Variants in KIAA2012 observed in about 807,000 individuals in gnomAD.
KIAA2012 encodes the protein uncharacterized protein KIAA2012.
Under a neutral mutation model 150.6 loss-of-function variants are expected in KIAA2012, and 125 were observed. That is an observed-to-expected ratio of 0.83 (90% CI 0.72 to 0.96). The LOEUF is 0.96. Ranked by LOEUF, KIAA2012 falls within the 40% of genes least tolerant of loss-of-function variation. KIAA2012 has a pLI of 0.00. For missense variants in KIAA2012, 1,219 were observed against 1,354.9 expected (o/e 0.90, Z 1.57); for synonymous variants, 462 against 504.7 (o/e 0.92, Z 1.13).
chr2:202,172,408 A>G (rs555714456), intron 15 of KIAA2012, among the ~76,000 whole-genome samples: 1 of 152,372 alleles, frequency 6.6e-6, no homozygotes, highest in Admixed American at 6.5e-5. Flanking sequence ...AGTCAGGGAA[A>G]CATCACGAAA....
At chr2:202,174,579 T>C (rs1691955377) in intron 15 of KIAA2012, among the ~76,000 whole-genome samples, 1 of 152,114 alleles carries the variant, frequency 6.6e-6, no homozygotes, top group Non-Finnish European at 1.5e-5. Context: ...AATTTAAAAA[T>C]AGAATTTAAA....
At chr2:202,175,412 ATGTT>A (rs1691972213) in intron 15 of KIAA2012, among the ~76,000 whole-genome samples, 1 of 152,196 alleles carries the variant, frequency 6.6e-6, no homozygotes, top group Admixed American at 6.5e-5. Context: ...CATGGTCTGA[ATGTT>A]TGTGTCCCCC....
intron 2 of KIAA2012, among the ~76,000 whole-genome samples, chr2:202,075,754 G>A (rs1170210560): frequency 6.6e-6 from 1 of 152,216 alleles, no homozygotes; most frequent in Non-Finnish European, 1.5e-5. Context: ...ATAATTGCAT[G>A]CATCAGCCCT....
At chr2:202,179,584 T>C in intron 15 of KIAA2012, 1 of 667,704 alleles carries the variant, frequency 1.5e-6, no homozygotes, top group Non-Finnish European at 2.9e-6. Context: ...TCAACAATAC[T>C]ATCTTGTGTA....
chr2:202,145,319 G>A (rs904325006), intron 13 of KIAA2012, among the ~76,000 whole-genome samples: 2 of 152,030 alleles, frequency 1.3e-5, no homozygotes, highest in African/African-American at 4.8e-5. Context: ...TTTATTCAAA[G>A]GCTTTTTGAA....
At chr2:202,078,990 G>A (rs1237965415) in intron 2 of KIAA2012, among the ~76,000 whole-genome samples, 2 of 152,112 alleles carry the variant, frequency 1.3e-5, no homozygotes, top group African/African-American at 4.8e-5. Flanking sequence ...GAGGTCAGGA[G>A]TTCGAGACCA....
At chr2:202,133,298 G>A (rs908280141) in intron 12 of KIAA2012, among the ~76,000 whole-genome samples, 6 of 150,540 alleles carry the variant, frequency 4.0e-5, no homozygotes, top group South Asian at 2.1e-4. Context: ...AGGGTTTCTC[G>A]CGTGGTTGAC....
intron 4 of KIAA2012, among the ~76,000 whole-genome samples, chr2:202,095,789 G>A (rs1043881475): frequency 6.6e-6 from 1 of 152,068 alleles, no homozygotes; most frequent in Non-Finnish European, 1.5e-5. Context: ...TACCCAATGT[G>A]TAAGACTGTT....
intron 14 of KIAA2012, among the ~76,000 whole-genome samples, chr2:202,157,466 G>A (rs1448821712): frequency 6.6e-6 from 1 of 152,160 alleles, no homozygotes; most frequent in Non-Finnish European, 1.5e-5. Flanking sequence ...CAGGGGATGA[G>A]GGTAGGTGAT....
At chr2:202,129,106 C>A (rs1690865664) in intron 12 of KIAA2012, among the ~76,000 whole-genome samples, 1 of 151,906 alleles carries the variant, frequency 6.6e-6, no homozygotes, top group Non-Finnish European at 1.5e-5. Context: ...AAGAGCAAAA[C>A]TCCATCTCAA....
chr2:202,130,403 T>C (rs1013351610), intron 12 of KIAA2012, among the ~76,000 whole-genome samples: 1 of 152,176 alleles, frequency 6.6e-6, no homozygotes, highest in African/African-American at 2.4e-5. Context: ...CTTGCCCAAG[T>C]AGTGAAGTAA....
chr2:202,096,838 A>T (rs1026235787), intron 4 of KIAA2012, among the ~76,000 whole-genome samples: 10 of 152,314 alleles, frequency 6.6e-5, no homozygotes, highest in South Asian at 2.1e-4. Context: ...TTGATGAAAG[A>T]CTTGTTAACT....
chr2:202,201,635 A>G, intron 22 of KIAA2012: 3 of 1,610,764 alleles, frequency 1.9e-6, no homozygotes, highest in Non-Finnish European at 2.5e-6. Context: ...GGATTGTGGA[A>G]CCTAAAGACC....
intron 2 of KIAA2012, among the ~76,000 whole-genome samples, chr2:202,083,062 A>G (rs1422731691): frequency 6.6e-6 from 1 of 152,164 alleles, no homozygotes; most frequent in Non-Finnish European, 1.5e-5. Context: ...CTTTACATTT[A>G]TGACATATGG....
chr2:202,194,183 T>G lies in KIAA2012; in HGVS notation c.3015-7T>G. On this transcript the variant is annotated splice_polypyrimidine_tract_variant and splice_region_variant and intron_variant, in intron 20 of 23. Coordinates refer to ENST00000498697, the MANE Select transcript of KIAA2012 (RefSeq NM_001277372.4). ...GCCATTTCCCTGACCATCTTGGGTT[T>G]TCTCAGCTTGAGGAAACAGAGACTC... The G allele has an allele frequency of 6.5e-7, 1 of 1,550,376 alleles. No homozygotes were observed. Among genetic ancestry groups the G allele is most frequent in the Non-Finnish European group, 8.7e-7 (1 of 1,146,832 alleles).
chr2:202,113,681 A>G, intron 11 of KIAA2012: 1 of 511,918 alleles, frequency 2.0e-6, no homozygotes, highest in Non-Finnish European at 3.5e-6. Flanking sequence ...TTCCAGTGGA[A>G]TGGCTTGGAA....
chr2:202,188,105 A>G (rs1205708131), intron 17 of KIAA2012, 47 bp from the exon 18 acceptor site: 1 of 1,443,314 alleles, frequency 6.9e-7, no homozygotes, highest in Non-Finnish European at 9.4e-7. Context: ...GGATTTTTTC[A>G]TTTCCTATAC....
chr2:202,138,306 T>C (rs1471179857), intron 12 of KIAA2012, 126 bp from the exon 13 acceptor site: 1 of 702,806 alleles, frequency 1.4e-6, no homozygotes, highest in East Asian at 2.7e-5. Context: ...ATGCCATGGG[T>C]GTATATGTGC....
At chr2:202,133,130 A>ATATATATATATATATATT (rs1279080237) in intron 12 of KIAA2012, among the ~76,000 whole-genome samples, 1 of 67,776 alleles carries the variant, frequency 1.5e-5, no homozygotes, top group Non-Finnish European at 2.9e-5. Flanking sequence ...ATATATATAT[A>ATATATATATATATATATT]TTTTTTTTTT....
Sources: gnomAD v4.1 joint callset for allele counts (sites outside exome capture counted in the v4.1 genomes callset) on GRCh38, gnomAD v4.1.1 for gene constraint, MANE v1.5 for transcripts, NCBI Gene and HGNC (gene_info 2026-07-23, HGNC 2026-07-21) for gene names.